The following SMARCC1 variants were observed in gnomAD, a reference collection of about 807,000 sequenced individuals.
The protein encoded by SMARCC1 is SWI/SNF related BAF chromatin remodeling complex subunit C1.
SMARCC1 carries 43 observed loss-of-function variants against 147.4 expected under a neutral mutation model. That is an observed-to-expected ratio of 0.29 (90% CI 0.23 to 0.38). The LOEUF (loss-of-function observed/expected upper bound fraction) is 0.38. Ranked by LOEUF, SMARCC1 falls within the 10% of genes least tolerant of loss-of-function variation. The pLI is 1.00. For missense variants in SMARCC1, 1,119 were observed against 1,381.1 expected (o/e 0.81, Z 3.01); for synonymous variants, 495 against 484.4 (o/e 1.02, Z -0.29).
At chr3:47,749,576 T>C (rs79139244) in intron 2 of SMARCC1, among the ~76,000 whole-genome samples, 2 of 148,058 alleles carry the variant, frequency 1.4e-5, no homozygotes, top group East Asian at 4.1e-4. Context: ...CTGAGGTAAA[T>C]GGATTGCTTG....
At chr3:47,663,804 T>C in intron 19 of SMARCC1, 1 of 1,583,252 alleles carries the variant, frequency 6.3e-7, no homozygotes, top group Non-Finnish European at 8.7e-7. Context: ...ACCTACAGCC[T>C]CTATTCCTTC....
chr3:47,733,767 G>A (rs1334401867), intron 5 of SMARCC1, among the ~76,000 whole-genome samples: 2 of 150,914 alleles, frequency 1.3e-5, no homozygotes, highest in African/African-American at 4.9e-5. Flanking sequence ...GGGAGGCTGA[G>A]GCAAGAGAAT....
At chr3:47,734,890 T>C (rs1466894977) in intron 5 of SMARCC1, among the ~76,000 whole-genome samples, 2 of 152,184 alleles carry the variant, frequency 1.3e-5, no homozygotes, top group African/African-American at 2.4e-5. Flanking sequence ...CCCCAGTAGC[T>C]GGGACTACAG....
chr3:47,636,027 T>C lies in SMARCC1; in HGVS notation c.2486A>G (p.Lys829Arg). ...EQDSEVSEDT[K>R]SEEKETEENK... Reference sequence around the variant, plus strand: ...AAGGAGTTTCCTCAAATTACCTGATTTGGTATCCTCACTCACTTCACTATC... The same window carrying C: ...AAGGAGTTTCCTCAAATTACCTGATCTGGTATCCTCACTCACTTCACTATC... Residue 829 changes from lysine (K) to arginine (R), a missense_variant, in exon 23 of 28, where the codon AAA becomes AGA. Lys to Arg is a conservative substitution (Grantham distance 26). Coordinates refer to ENST00000254480, the MANE Select transcript of SMARCC1 (RefSeq NM_003074.4). 20 of 1,509,622 alleles carry C rather than the reference T, an allele frequency of 1.3e-5. No homozygotes were observed. Among genetic ancestry groups the C allele is most frequent in the Non-Finnish European group, 1.8e-5 (20 of 1,092,386 alleles). The allele number at this position is 1,509,622 out of a possible 1,614,324, so 93.5% of individuals were successfully genotyped here. A position where few individuals can be genotyped will look rare whatever the true frequency, so the allele number is the denominator to read the frequency against.
intron 7 of SMARCC1, among the ~76,000 whole-genome samples, chr3:47,717,903 T>A (rs1031477735): frequency 2.6e-5 from 4 of 151,922 alleles, no homozygotes; most frequent in Non-Finnish European, 5.9e-5. Flanking sequence ...TGGGTTTTTT[T>A]AAGATGACAA....
intron 26 of SMARCC1, among the ~76,000 whole-genome samples, chr3:47,607,240 A>AAGT (rs1233361871): frequency 2.0e-5 from 3 of 152,316 alleles, no homozygotes; most frequent in Admixed American, 1.3e-4. Context: ...TTAGAGTGGC[A>AAGT]AGTCTGACGA....
At chr3:47,735,655 G>T (rs1047272997) in intron 5 of SMARCC1, among the ~76,000 whole-genome samples, 1 of 152,056 alleles carries the variant, frequency 6.6e-6, no homozygotes, top group East Asian at 1.9e-4. Flanking sequence ...TTCGGAGGCT[G>T]AGGCACGAGA....
intron 7 of SMARCC1, among the ~76,000 whole-genome samples, chr3:47,719,584 C>A (rs563614011): frequency 2.0e-5 from 3 of 151,830 alleles, no homozygotes; most frequent in Non-Finnish European, 4.4e-5. Context: ...CATCTGTAAT[C>A]CCAGCTACTA....
At chr3:47,727,107 G>A (rs2034308857) in intron 6 of SMARCC1, among the ~76,000 whole-genome samples, 1 of 152,090 alleles carries the variant, frequency 6.6e-6, no homozygotes, top group South Asian at 2.1e-4. Context: ...CAGCTACTCG[G>A]GAGGCTGAGG....
At chr3:47,696,365 CTCTG>C (rs1407058296) in intron 11 of SMARCC1, among the ~76,000 whole-genome samples, 2 of 152,048 alleles carry the variant, frequency 1.3e-5, no homozygotes, top group Non-Finnish European at 2.9e-5. Context: ...CAGAGCGAGA[CTCTG>C]TCTCAGAAAC....
intron 26 of SMARCC1, 30 bp from the exon 27 acceptor site, chr3:47,590,867 T>C (rs200776888): frequency 1.9e-6 from 3 of 1,580,940 alleles, no homozygotes; most frequent in Non-Finnish European, 2.6e-6. Context: ...GTACTGTAAG[T>C]ATACTAGAAA....
At chr3:47,692,526 CAT>C (rs1194028695) in intron 12 of SMARCC1, among the ~76,000 whole-genome samples, 1 of 152,148 alleles carries the variant, frequency 6.6e-6, no homozygotes, top group African/African-American at 2.4e-5. Context: ...CCTTAAAACT[CAT>C]ATTCTTATTC....
intron 2 of SMARCC1, among the ~76,000 whole-genome samples, chr3:47,759,315 C>A (rs1451670121): frequency 1.3e-5 from 2 of 151,472 alleles, no homozygotes; most frequent in Non-Finnish European, 2.9e-5. Flanking sequence ...ATACAGTACA[C>A]TCTGTCCCTT....
chr3:47,736,038 T>G lies in SMARCC1; in HGVS notation c.572A>C (p.His191Pro). The change falls in exon 5 of 28, where the codon CAT becomes CCT. Residue 191 changes from histidine (H) to proline (P), a missense_variant. His to Pro is a moderately conservative substitution (Grantham distance 77). This residue lies in a region of SMARCC1 where 542 missense variants were observed against 611.8 expected (regional missense o/e 0.89). Coordinates refer to ENST00000254480, the MANE Select transcript of SMARCC1 (RefSeq NM_003074.4). ...TGAAGTGATTGTGTCTATTACCTGA[T>G]GTCGTTTGATGATATCTTTCAATTT... is the stretch of plus-strand genomic sequence containing the variant. The part of the protein sequence containing the change: ...ANKLKDIIKR[H>P]QGTFTDEKSK... The G allele has an allele frequency of 6.7e-7, 1 of 1,503,734 alleles. No individual in the cohort carries two copies. The highest frequency in any genetic ancestry group is 9.2e-7 in the Non-Finnish European group (1 of 1,088,254). The allele number at this position is 1,503,734 out of a possible 1,614,324, so 93.1% of individuals were successfully genotyped here. A position where few individuals can be genotyped will look rare whatever the true frequency, so the allele number is the denominator to read the frequency against.
At chr3:47,649,096 A>G (rs1027701395) in intron 21 of SMARCC1, among the ~76,000 whole-genome samples, 40 of 152,226 alleles carry the variant, frequency 2.6e-4, no homozygotes, top group African/African-American at 9.4e-4. Flanking sequence ...CTATATTTCA[A>G]TATGTTTTTA....
intron 7 of SMARCC1, among the ~76,000 whole-genome samples, chr3:47,715,821 C>T (rs879672884): frequency 6.6e-6 from 1 of 152,108 alleles, no homozygotes; most frequent in African/African-American, 2.4e-5. Context: ...TTCCAACATT[C>T]CCTACTAAGC....
rs533642973 is a variant in SMARCC1 at position 47,586,051 on chromosome 3, C to G, written c.*2158G>C. 1 of 152,584 alleles carries G rather than the reference C, an allele frequency of 6.6e-6. No homozygotes were observed. Among genetic ancestry groups the G allele is most frequent in the Admixed American group, 6.5e-5 (1 of 15,278 alleles). The allele number at this position is 152,584 out of a possible 1,614,324, so 9.5% of individuals were successfully genotyped here. On this transcript the variant is annotated 3_prime_UTR_variant, in exon 28 of 28. Transcript: ENST00000254480. The stretch of plus-strand genomic sequence containing the variant: ...CAAAAACCACATATTATTCCCCCCC[C>G]TCACAAAATCAGGTGGCTGAATTAC...
intron 8 of SMARCC1, among the ~76,000 whole-genome samples, chr3:47,713,358 T>A (rs542193734): frequency 2.2e-5 from 3 of 135,730 alleles, no homozygotes; most frequent in Non-Finnish European, 3.3e-5. Flanking sequence ...AATAAATAAA[T>A]AAAAGATAAA....
At chr3:47,780,284 G>A (rs1219802900) in intron 1 of SMARCC1, among the ~76,000 whole-genome samples, 1 of 140,358 alleles carries the variant, frequency 7.1e-6, no homozygotes, top group Non-Finnish European at 1.5e-5. Flanking sequence ...AGATTCTCCT[G>A]CCTCAGCCTC....
Sources: gnomAD v4.1 joint callset for allele counts (sites outside exome capture counted in the v4.1 genomes callset) on GRCh38, gnomAD v4.1.1 for gene constraint, gnomAD v4.1.1 regional missense constraint, MANE v1.5 for transcripts, NCBI Gene and HGNC (gene_info 2026-07-23, HGNC 2026-07-21) for gene names.